Variants in NBAS observed in about 807,000 individuals in gnomAD.
The protein encoded by NBAS is NBAS subunit of NRZ tethering complex, also known as NAG/BC035112 fusion.
Under a neutral mutation model 302.5 loss-of-function variants are expected in NBAS, and 219 were observed. The ratio of observed to expected loss-of-function variants is 0.72; its 90% CI spans 0.65 to 0.81. The LOEUF is 0.81. Among genes scored for constraint, NBAS ranks in the 30% least tolerant of loss-of-function variants. NBAS has a pLI of 0.00. For synonymous variants in NBAS, 1,118 were observed against 1,021.6 expected (o/e 1.09, Z -1.80); for missense variants, 2,932 against 2,841.6 (o/e 1.03, Z -0.72).
At chr2:14,854,290 A>C in the NBAS span, among the ~76,000 whole-genome samples, 263 of 152,034 alleles carry the variant, frequency 1.7e-3, no homozygotes, top group African/African-American at 6.1e-3. Flanking sequence ...GAGCAAATAA[A>C]ACCCAAAATT....
chr2:15,062,025 T>C, the NBAS span, among the ~76,000 whole-genome samples: 9 of 152,126 alleles, frequency 5.9e-5, no homozygotes, highest in African/African-American at 2.2e-4. Context: ...ACCTTCCAGA[T>C]TCTTAAAAGG....
At chr2:15,019,599 C>T in the NBAS span, among the ~76,000 whole-genome samples, 1 of 152,132 alleles carries the variant, frequency 6.6e-6, no homozygotes, top group African/African-American at 2.4e-5. Context: ...ATCTTATTTT[C>T]ACTGCATGAC....
the NBAS span, among the ~76,000 whole-genome samples, chr2:14,833,104 A>T: frequency 6.6e-6 from 1 of 152,216 alleles, no homozygotes; most frequent in African/African-American, 2.4e-5. Flanking sequence ...AATCTTTAAG[A>T]CTGTAGGAAC....
chr2:15,275,375 C>T, intron 44 of NBAS, 109 bp downstream of exon 44: 1 of 1,274,362 alleles, frequency 7.8e-7, no homozygotes, highest in South Asian at 1.5e-5. Flanking sequence ...AAAAAGCCAA[C>T]ATGTAATTAT....
intron 48 of NBAS, among the ~76,000 whole-genome samples, chr2:15,216,556 G>GA (rs1345259956): frequency 3.9e-5 from 6 of 152,168 alleles, no homozygotes; most frequent in African/African-American, 1.4e-4. Context: ...TCTGCTTTTG[G>GA]AAAAAGTTAA....
chr2:15,557,360 T>C (rs1220870429), intron 2 of NBAS, among the ~76,000 whole-genome samples: 2 of 152,134 alleles, frequency 1.3e-5, no homozygotes, highest in African/African-American at 4.8e-5. Context: ...AATGGAAAAA[T>C]ATCTAAAGAA....
At chr2:15,160,585 CGGGGGGAGGG>C in the NBAS span, among the ~76,000 whole-genome samples, 1 of 92,290 alleles carries the variant, frequency 1.1e-5, no homozygotes, top group Non-Finnish European at 2.2e-5. Context: ...CCAGTGTGGG[CGGGGGGAGGG>C]GGGGGGGCAG....
chr2:15,546,304 C>T (rs79209424), intron 6 of NBAS, among the ~76,000 whole-genome samples: 3 of 151,638 alleles, frequency 2.0e-5, no homozygotes, highest in Admixed American at 6.6e-5. Flanking sequence ...AAAGTTTCTA[C>T]GAAGAATGTG....
At chr2:15,107,142 G>A in the NBAS span, among the ~76,000 whole-genome samples, 1 of 151,982 alleles carries the variant, frequency 6.6e-6, no homozygotes, top group African/African-American at 2.4e-5. Flanking sequence ...AGGGTTCTTA[G>A]GAGACAATTA....
At chr2:14,923,334 G>A in the NBAS span, among the ~76,000 whole-genome samples, 1 of 152,148 alleles carries the variant, frequency 6.6e-6, no homozygotes, top group African/African-American at 2.4e-5. Context: ...ACACAGCAGT[G>A]AGCAGATCAC....
the NBAS span, among the ~76,000 whole-genome samples, chr2:14,941,244 G>T: frequency 6.6e-6 from 1 of 152,290 alleles, no homozygotes; most frequent in Admixed American, 6.5e-5. Context: ...AGGCATCTGT[G>T]GAAATTCCAG....
chr2:15,452,988 C>T (rs1413626484), intron 21 of NBAS, among the ~76,000 whole-genome samples: 1 of 152,140 alleles, frequency 6.6e-6, no homozygotes, highest in Non-Finnish European at 1.5e-5. Context: ...TCACAGGATA[C>T]TATGACATCT....
At chr2:15,401,005 G>A (rs760292364) in intron 26 of NBAS, among the ~76,000 whole-genome samples, 7 of 152,060 alleles carry the variant, frequency 4.6e-5, no homozygotes, top group Non-Finnish European at 7.4e-5. Flanking sequence ...TATTTCTTAA[G>A]GGATGCTGTA....
the NBAS span, among the ~76,000 whole-genome samples, chr2:14,817,339 T>G: frequency 1.3e-5 from 2 of 152,196 alleles, no homozygotes; most frequent in African/African-American, 4.8e-5. Flanking sequence ...GAAGGACCAT[T>G]AACTCTGAGA....
At chr2:15,211,892 G>C (rs1277930589) in intron 48 of NBAS, among the ~76,000 whole-genome samples, 2 of 152,148 alleles carry the variant, frequency 1.3e-5, no homozygotes, top group South Asian at 2.1e-4. Flanking sequence ...GATAAACAGA[G>C]CGTCCCTATA....
chr2:14,972,554 C>G, the NBAS span, among the ~76,000 whole-genome samples: 6 of 152,198 alleles, frequency 3.9e-5, no homozygotes, highest in East Asian at 1.2e-3. Context: ...GAAATTAACC[C>G]AAACAGTATG....
chr2:15,438,609 C>G (rs913734192), intron 21 of NBAS, among the ~76,000 whole-genome samples: 2 of 152,184 alleles, frequency 1.3e-5, no homozygotes, highest in African/African-American at 4.8e-5. Flanking sequence ...GCAGCGCCCT[C>G]GCTCACTGCC....
the NBAS span, among the ~76,000 whole-genome samples, chr2:14,916,581 AAT>A: frequency 0.36 from 54,258 of 151,772 alleles, 9,934 homozygotes; most frequent in African/African-American, 0.44. Flanking sequence ...TGCTTTCAGT[AAT>A]ATATATATAT....
chr2:15,447,387 T>C (rs528760999), intron 21 of NBAS, among the ~76,000 whole-genome samples: 4 of 152,196 alleles, frequency 2.6e-5, no homozygotes, highest in Non-Finnish European at 5.9e-5. Flanking sequence ...GGAAAGACAG[T>C]TCTTTATGTT....
Sources: gnomAD v4.1 joint callset for allele counts (sites outside exome capture counted in the v4.1 genomes callset) on GRCh38, gnomAD v4.1.1 for gene constraint, MANE v1.5 for transcripts, NCBI Gene and HGNC (gene_info 2026-07-23, HGNC 2026-07-21) for gene names.